BMPR1B: variants seen among roughly 807,000 people sequenced by gnomAD.
BMPR1B encodes bone morphogenetic protein receptor type-1B.
In BMPR1B, 12 loss-of-function variants were observed where a neutral mutation model predicts 59.1. That is an observed-to-expected ratio of 0.20 (90% CI 0.13 to 0.33). BMPR1B has a LOEUF of 0.33. Ranked by LOEUF, BMPR1B falls within the 10% of genes least tolerant of loss-of-function variation. BMPR1B has a pLI of 1.00. For synonymous variants in BMPR1B, 237 were observed against 207.3 expected, an observed-to-expected ratio of 1.14 and a Z score of -1.23; for missense variants, 550 against 610.9, an observed-to-expected ratio of 0.90 and a Z score of 1.05.
chr4:94,930,693 A>G (rs567098514), intron 2 of BMPR1B, among the ~76,000 whole-genome samples: 1 of 152,276 alleles, frequency 6.6e-6, no homozygotes, highest in Non-Finnish European at 1.5e-5. Context: ...TTAAAAAGCC[A>G]TCAACAGACA....
At chr4:95,148,304 T>A (rs73839216) in intron 10 of BMPR1B, among the ~76,000 whole-genome samples, 4,032 of 152,278 alleles carry the variant, frequency 0.026, 180 homozygotes, top group African/African-American at 0.092. Context: ...AGGGTTTTTT[T>A]AGATATTTAA....
chr4:95,021,374 A>AT (rs1723969194), intron 3 of BMPR1B, among the ~76,000 whole-genome samples: 1 of 152,204 alleles, frequency 6.6e-6, no homozygotes, highest in African/African-American at 2.4e-5. Flanking sequence ...TATAAGTTAG[A>AT]GATTTTAAAG....
intron 1 of BMPR1B, among the ~76,000 whole-genome samples, chr4:94,851,439 A>T (rs1251973415): frequency 6.6e-6 from 1 of 152,178 alleles, no homozygotes; most frequent in Non-Finnish European, 1.5e-5. Context: ...AGACACATGT[A>T]TCTTAGAGTA....
At chr4:94,836,238 A>G (rs373530885) in intron 1 of BMPR1B, among the ~76,000 whole-genome samples, 9 of 151,170 alleles carry the variant, frequency 6.0e-5, no homozygotes, top group African/African-American at 2.2e-4. Context: ...ATGTGTCTTT[A>G]TAGCAGCATG....
chr4:94,774,457 A>G (rs2110576678), intron 1 of BMPR1B, among the ~76,000 whole-genome samples: 1 of 152,224 alleles, frequency 6.6e-6, no homozygotes, highest in Middle Eastern at 3.4e-3. Context: ...AAAGAATGTG[A>G]AACAGGGTAA....
intron 1 of BMPR1B, among the ~76,000 whole-genome samples, chr4:94,774,596 C>A (rs530894772): frequency 1.3e-5 from 2 of 152,050 alleles, no homozygotes; most frequent in Admixed American, 6.5e-5. Flanking sequence ...TTTTCTGTTT[C>A]TTTGGAACCT....
At chr4:94,995,266 T>C (rs1277778562) in intron 2 of BMPR1B, among the ~76,000 whole-genome samples, 1 of 152,138 alleles carries the variant, frequency 6.6e-6, no homozygotes, top group African/African-American at 2.4e-5. Context: ...ACTGTAAATA[T>C]TGTGTTGAGT....
chr4:95,024,092 A>C (rs182139939), intron 3 of BMPR1B, among the ~76,000 whole-genome samples: 1 of 152,284 alleles, frequency 6.6e-6, no homozygotes, highest in Admixed American at 6.5e-5. Flanking sequence ...TAATAGCACT[A>C]TTGAATTCAA....
intron 1 of BMPR1B, among the ~76,000 whole-genome samples, chr4:94,764,588 G>A (rs1473368811): frequency 6.6e-6 from 1 of 152,150 alleles, no homozygotes; most frequent in Admixed American, 6.6e-5. Flanking sequence ...TTCAGCTTCT[G>A]AAAGCCTGCT....
chr4:95,052,628 A>G (rs1726589109), intron 3 of BMPR1B, among the ~76,000 whole-genome samples: 1 of 152,160 alleles, frequency 6.6e-6, no homozygotes, highest in African/African-American at 2.4e-5. Flanking sequence ...TTATCAGAAG[A>G]GTGTGTAATT....
At chr4:94,986,980 G>A (rs1445405433) in intron 2 of BMPR1B, among the ~76,000 whole-genome samples, 1 of 150,110 alleles carries the variant, frequency 6.7e-6, no homozygotes, top group East Asian at 1.9e-4. Context: ...GGCGGAGCTT[G>A]CAGTGAGCCG....
At chr4:94,976,804 A>C (rs983401833) in intron 2 of BMPR1B, among the ~76,000 whole-genome samples, 3 of 152,170 alleles carry the variant, frequency 2.0e-5, no homozygotes, top group Non-Finnish European at 2.9e-5. Flanking sequence ...ACTGACTCTG[A>C]AACCCAGTTG....
intron 3 of BMPR1B, among the ~76,000 whole-genome samples, chr4:95,041,871 T>G (rs1038304942): frequency 2.0e-5 from 3 of 152,104 alleles, no homozygotes; most frequent in Admixed American, 2.0e-4. Context: ...TTTTTTTTTT[T>G]TGAGACGGAG....
At chr4:95,017,137 T>C (rs1186196997) in intron 3 of BMPR1B, among the ~76,000 whole-genome samples, 5 of 152,212 alleles carry the variant, frequency 3.3e-5, no homozygotes, top group Non-Finnish European at 7.4e-5. Flanking sequence ...TCTTCAGATT[T>C]CTCAGAAGAT....
chr4:94,907,684 C>T (rs1360900209), intron 2 of BMPR1B, among the ~76,000 whole-genome samples: 3 of 151,878 alleles, frequency 2.0e-5, no homozygotes, highest in African/African-American at 4.8e-5. Context: ...ATGTGTGTAT[C>T]GTTGCATGTA....
chr4:95,120,157 A>G lies in BMPR1B; in HGVS notation c.350-3653A>G, dbSNP rs897893027. 2.6e-5 allele frequency among the ~76,000 whole-genome samples: 4 copies of G among 152,176 alleles called. 1 individual carries two copies. The highest frequency in any genetic ancestry group is 5.9e-5 in the Non-Finnish European group (4 of 68,030). ...TTCCTTCATTAATTCACTTAGGACT[A>G]TGGCCTCCAGCTCCATCCATGTTGC... is the stretch of plus-strand genomic sequence containing the variant. On this transcript the variant is annotated intron_variant, in intron 6 of 12. Coordinates refer to ENST00000515059, the MANE Select transcript of BMPR1B (RefSeq NM_001203.3).
intron 1 of BMPR1B, among the ~76,000 whole-genome samples, chr4:94,862,628 A>G (rs75076389): frequency 0.031 from 4,658 of 150,792 alleles, 153 homozygotes; most frequent in African/African-American, 0.076. Flanking sequence ...ACATGATAAA[A>G]CACCGTCTCC....
At chr4:95,009,440 A>C (rs1190841706) in intron 3 of BMPR1B, among the ~76,000 whole-genome samples, 1 of 152,222 alleles carries the variant, frequency 6.6e-6, no homozygotes, top group Non-Finnish European at 1.5e-5. Flanking sequence ...TTAACATAGT[A>C]ATAAAAATGA....
At chr4:94,849,798 G>GTGTGAT (rs1725497286) in intron 1 of BMPR1B, among the ~76,000 whole-genome samples, 2 of 149,678 alleles carry the variant, frequency 1.3e-5, no homozygotes, top group African/African-American at 4.9e-5. Flanking sequence ...TTTTTGGTGT[G>GTGTGAT]TGTGTGTGTG....
Sources: allele counts gnomAD v4.1 joint callset (sites outside exome capture counted in the v4.1 genomes callset), GRCh38; gene constraint gnomAD v4.1.1; transcripts MANE v1.5; gene names NCBI Gene and HGNC (gene_info 2026-07-23, HGNC 2026-07-21).